Variants in BRCA1 observed in about 807,000 individuals in gnomAD.
The protein encoded by BRCA1 is BRCA1 DNA repair associated.
BRCA1 carries 140 observed loss-of-function variants against 173.7 expected under a neutral mutation model. The ratio of observed to expected loss-of-function variants is 0.81; its 90% CI spans 0.70 to 0.93. The LOEUF is 0.93. Ranked by LOEUF, BRCA1 falls within the 40% of genes least tolerant of loss-of-function variation. BRCA1 has a pLI of 0.00. For missense variants in BRCA1, 1,983 were observed against 2,172.5 expected, an observed-to-expected ratio of 0.91 and a Z score of 1.73; for synonymous variants, 662 against 756.0, an observed-to-expected ratio of 0.88 and a Z score of 2.04.
intron 1 of BRCA1, chr17:43,168,211 A>G: frequency 7.1e-6 from 3 of 424,290 alleles, no homozygotes; most frequent in South Asian, 5.3e-5. Flanking sequence ...CATTAAGGAC[A>G]TTTTGTACTT....
At chr17:43,100,144 G>A (rs559835836) in intron 6 of BRCA1, among the ~76,000 whole-genome samples, 1 of 152,280 alleles carries the variant, frequency 6.6e-6, no homozygotes, top group East Asian at 1.9e-4. Flanking sequence ...ATAAGCAACA[G>A]AGTGAGACCC....
At chr17:43,072,047 T>C (rs572481230) in intron 14 of BRCA1, among the ~76,000 whole-genome samples, 2 of 150,784 alleles carry the variant, frequency 1.3e-5, no homozygotes, top group African/African-American at 2.4e-5. Context: ...TAAATAAAAG[T>C]TTATGTAAAA....
At chr17:43,136,982 G>A (rs1024425168) in intron 1 of BRCA1, among the ~76,000 whole-genome samples, 83 of 152,182 alleles carry the variant, frequency 5.5e-4, no homozygotes, top group African/African-American at 1.9e-3. Flanking sequence ...AAATGCACAC[G>A]TATGTTCATT....
intron 1 of BRCA1, chr17:43,139,695 CT>C: frequency 2.8e-6 from 1 of 355,920 alleles, no homozygotes; most frequent in Non-Finnish European, 5.5e-6. Context: ...TCCTCCCACC[CT>C]TCACCCTCAG....
At chr17:43,106,627 C>A in intron 3 of BRCA1, 94 bp from the exon 4 acceptor site, 3 of 937,742 alleles carry the variant, frequency 3.2e-6, no homozygotes, top group Non-Finnish European at 5.0e-6. Flanking sequence ...GATAATCTCA[C>A]AACTGCCCTT....
At position 43,044,802 on chromosome 17, in the gene BRCA1, TC is replaced by T; in HGVS notation, c.*875del. ...TTAGAAATCTCTTCTAGTTTCATTT[TC>T]CTTTTTTTTTTTTTTTTTTTGAGCC... is the stretch of plus-strand genomic sequence containing the variant. On this transcript the variant is annotated 3_prime_UTR_variant, in exon 23 of 23. Transcript: ENST00000357654. 2.2e-6 allele frequency: 1 copy of T among 450,066 alleles called. No individual in the cohort carries two copies. The highest frequency in any genetic ancestry group is 2.3e-5 in the African/African-American group (1 of 44,438). The allele number at this position is 450,066 out of a possible 1,614,324, so 27.9% of individuals were successfully genotyped here. A position where few individuals can be genotyped will look rare whatever the true frequency, so the allele number is the denominator to read the frequency against.
intron 1 of BRCA1, chr17:43,138,677 A>C: frequency 1.3e-6 from 1 of 778,984 alleles, no homozygotes; most frequent in Non-Finnish European, 2.4e-6. Flanking sequence ...CCCAGGAAGC[A>C]CACATCAAGG....
chr17:43,121,761 A>G (rs2055589921), intron 2 of BRCA1, among the ~76,000 whole-genome samples: 1 of 152,128 alleles, frequency 6.6e-6, no homozygotes, highest in African/African-American at 2.4e-5. Flanking sequence ...TAGAAAACAT[A>G]ATAGTTGATT....
At position 43,087,474 on chromosome 17, in the gene BRCA1, T is replaced by C. The variant is rs8176170; in HGVS notation, c.4185+3470A>G. On this transcript the variant is annotated intron_variant, in intron 11 of 22. Transcript: ENST00000357654. ...GGCCAGGAGTTTGAGACCAGCCTGG[T>C]CAACATGGAGAAACCCTGTCTCTAC... Among the ~76,000 whole-genome samples the C allele has an allele frequency of 0.32, 48,026 of 151,592 alleles. 7,918 individuals carry two copies. The highest frequency in any genetic ancestry group is 0.49 in the South Asian group (2,373 of 4,804).
At chr17:43,078,322 T>G (rs2052836202) in intron 12 of BRCA1, among the ~76,000 whole-genome samples, 1 of 152,134 alleles carries the variant, frequency 6.6e-6, no homozygotes, top group Non-Finnish European at 1.5e-5. Flanking sequence ...TGACCTCAGG[T>G]GATCCGCCAA....
At chr17:43,109,819 C>T (rs936745229) in intron 3 of BRCA1, among the ~76,000 whole-genome samples, 5 of 151,808 alleles carry the variant, frequency 3.3e-5, no homozygotes, top group East Asian at 3.9e-4. Context: ...TAAGCTGTCT[C>T]GTGCTGTAGT....
chr17:43,099,680 C>A, intron 7 of BRCA1, 95 bp downstream of exon 7: 1 of 1,072,872 alleles, frequency 9.3e-7, no homozygotes, highest in Non-Finnish European at 1.4e-6. Context: ...AGCTGCCTAC[C>A]ACAAATACAA....
chr17:43,087,944 T>C (rs572127645), intron 11 of BRCA1, among the ~76,000 whole-genome samples: 16 of 151,936 alleles, frequency 1.1e-4, no homozygotes, highest in African/African-American at 2.9e-4. Context: ...CAGAGTGCAG[T>C]AGCGTGATCA....
At chr17:43,094,979 C>G in intron 9 of BRCA1, 119 bp from the exon 10 acceptor site, 2 of 823,926 alleles carry the variant, frequency 2.4e-6, no homozygotes, top group South Asian at 3.2e-5. Flanking sequence ...AAACTAACCT[C>G]ATAAACTACC....
upstream of BRCA1, among the ~76,000 whole-genome samples, chr17:43,126,059 A>G (rs755419454): frequency 4.6e-5 from 7 of 152,250 alleles, no homozygotes; most frequent in Admixed American, 4.6e-4. Context: ...TAGGGAGACT[A>G]CAATTCCCAT....
At chr17:43,051,210 T>C (rs2051222518) in intron 19 of BRCA1, 93 bp from the exon 20 acceptor site, 1 of 1,218,792 alleles carries the variant, frequency 8.2e-7, no homozygotes, top group African/African-American at 1.5e-5. Flanking sequence ...AAAAACAGAC[T>C]TTCAAAAAGG....
Position 43,071,880 on chromosome 17 carries a change from C to T in BRCA1, c.4676-642G>A, listed in dbSNP as rs999229654. Among the ~76,000 whole-genome samples the T allele has an allele frequency of 1.4e-4, 21 of 149,708 alleles. No homozygotes were observed. The South Asian group carries it at 2.5e-3, about 18-fold the overall frequency. ...AAAATTAGCTGGGCGTGGTGGCGGGCGCCTGTAGTCCCGGCTACTAGGGAG... is the reference window on the plus strand; with the variant it reads ...AAAATTAGCTGGGCGTGGTGGCGGGTGCCTGTAGTCCCGGCTACTAGGGAG... On this transcript the variant is annotated intron_variant, in intron 14 of 22. Transcript: ENST00000357654.
intron 3 of BRCA1, among the ~76,000 whole-genome samples, chr17:43,114,618 T>C (rs2055180848): frequency 6.6e-6 from 1 of 152,080 alleles, no homozygotes; most frequent in Admixed American, 6.6e-5. Context: ...CATAAGAAAT[T>C]GATCATTGTG....
intron 15 of BRCA1, 93 bp from the exon 16 acceptor site, chr17:43,067,788 GTAGCAAT>G: frequency 1.1e-6 from 1 of 909,696 alleles, no homozygotes; most frequent in Non-Finnish European, 1.7e-6. Flanking sequence ...GTTTACCTAT[GTAGCAAT>G]CCTGCACGTT....
Sources: allele counts gnomAD v4.1 joint callset (sites outside exome capture counted in the v4.1 genomes callset), GRCh38; gene constraint gnomAD v4.1.1; transcripts MANE v1.5; gene names NCBI Gene and HGNC (gene_info 2026-07-23, HGNC 2026-07-21).